Variants in GSS observed in about 807,000 individuals in gnomAD.
GSS encodes the protein GSH synthetase.
Under a neutral mutation model 60.4 loss-of-function variants are expected in GSS, and 34 were observed. The observed-to-expected ratio is 0.56, with a 90% CI of 0.43 to 0.75. The LOEUF (loss-of-function observed/expected upper bound fraction) is 0.75, where lower values mean the gene tolerates loss of function less well. GSS is among the 30% of genes least tolerant of loss of function. The probability of loss-of-function intolerance (pLI) is 0.00; values close to 1 mark genes in which losing one functional copy is unlikely to be tolerated. For synonymous variants in GSS, 224 were observed against 239.0 expected, an observed-to-expected ratio of 0.94 and a Z score of 0.58; for missense variants, 499 against 595.1, an observed-to-expected ratio of 0.84 and a Z score of 1.68.
intron 6 of GSS, 84 bp from the exon 7 acceptor site, chr20:34,937,107 C>G: frequency 1.1e-6 from 1 of 891,016 alleles, no homozygotes; most frequent in Non-Finnish European, 1.9e-6. Flanking sequence ...TACCGCCCCA[C>G]CTCCTGGAAT....
In GSS at chr20:34,941,747, T is replaced by C; in HGVS notation, c.574A>G (p.Ile192Val). The C allele has an allele frequency of 1.2e-6, 2 of 1,610,700 alleles. No individual in the cohort carries two copies. Among genetic ancestry groups the C allele is most frequent in the Non-Finnish European group, 1.7e-6 (2 of 1,178,040 alleles). ...CCGTAGAGCTCCCAGGCTTTGGCAA[T>C]TCCCAGGGCCAGTCCCTTGCTGGGA... is the stretch of plus-strand genomic sequence containing the variant. The part of the protein sequence containing the change: ...NNPSKGLALG[I>V]AKAWELYGSP... Residue 192 changes from isoleucine to valine, a missense_variant, in exon 6 of 13, where the codon ATT becomes GTT. Physicochemically the swap from Ile to Val is conservative, Grantham distance 29. Coordinates refer to ENST00000651619, the MANE Select transcript of GSS (RefSeq NM_000178.4).
At chr20:34,933,051 G>A (rs1198642006) in intron 9 of GSS, among the ~76,000 whole-genome samples, 6 of 152,018 alleles carry the variant, frequency 3.9e-5, no homozygotes, top group Admixed American at 6.6e-5. Context: ...TTGCCATGTT[G>A]CCCAGGCTGG....
intron 6 of GSS, among the ~76,000 whole-genome samples, chr20:34,937,975 A>C (rs913418753): frequency 6.6e-6 from 1 of 152,084 alleles, no homozygotes; most frequent in Non-Finnish European, 1.5e-5. Flanking sequence ...CTCCTGCTTC[A>C]GCCTCCCGGG....
Position 34,941,756 on chromosome 20 carries a change from C to G in GSS, c.565G>C (p.Ala189Pro). Residue 189 changes from alanine to proline, a missense_variant, in exon 6 of 13, where the codon GCC (alanine) becomes CCC (proline). Transcript: ENST00000651619. Reference protein sequence around the residue: ...ILSNNPSKGLALGIAKAWELY... With the variant: ...ILSNNPSKGLPLGIAKAWELY... ...TCCCAGGCTTTGGCAATTCCCAGGG[C>G]CAGTCCCTTGCTGGGATTATTAGAG... The G allele has an allele frequency of 6.2e-7, 1 of 1,611,532 alleles. No individual in the cohort carries two copies. Among genetic ancestry groups the G allele is most frequent in the Non-Finnish European group, 8.5e-7 (1 of 1,178,848 alleles).
intron 1 of GSS, among the ~76,000 whole-genome samples, chr20:34,953,467 A>G (rs545005307): frequency 6.6e-6 from 1 of 152,306 alleles, no homozygotes; most frequent in Admixed American, 6.5e-5. Context: ...TCAGACAGAC[A>G]GACAGACCTG....
chr20:34,936,970 C>T lies in GSS; in HGVS notation c.662G>A (p.Arg221His), dbSNP rs377234920. Reference protein sequence around the residue: ...QEKERNIFDQRAIENELLARN... With the variant: ...QEKERNIFDQHAIENELLARN... ...GGCCAGTAGCTCATTCTCTATGGCACGCTGGTCAAATATGTTTCTTTCCTT... is the reference window on the plus strand; with the variant it reads ...GGCCAGTAGCTCATTCTCTATGGCATGCTGGTCAAATATGTTTCTTTCCTT... Residue 221 changes from arginine (R) to histidine (H), a missense_variant, in exon 7 of 13, where the codon CGT becomes CAT. Transcript: ENST00000651619. The T allele has an allele frequency of 7.4e-6, 12 of 1,613,804 alleles. No homozygotes were observed. Among genetic ancestry groups the T allele is most frequent in the African/African-American group, 2.7e-5 (2 of 74,882 alleles).
At chr20:34,945,211 C>T (rs1259608633) in intron 3 of GSS, among the ~76,000 whole-genome samples, 3 of 151,450 alleles carry the variant, frequency 2.0e-5, no homozygotes, top group African/African-American at 7.3e-5. Flanking sequence ...TTAGTAGAGA[C>T]GGGGTTTCAC....
Position 34,946,094 on chromosome 20 carries a change from AC to A in GSS, c.133del (p.Val45Ter). ...GAAGAGCGTGAATGGGGCATAGCTC[AC>A]CACCTGTGATCAAGAAGAGAGAATG... Reference protein sequence around the residue: ...TSQEPTSSEVVSYAPFTLFPS... With the variant: ...TSQEPTSSEVXSYAPFTLFPS... On this transcript the variant is annotated frameshift_variant, in exon 3 of 13. Transcript: ENST00000651619. LOFTEE classifies it high-confidence loss of function. 1 of 1,608,784 alleles carries A rather than the reference AC, an allele frequency of 6.2e-7. No individual in the cohort carries two copies.
chr20:34,931,441 A>C (rs370382962), intron 10 of GSS, 24 bp from the exon 11 acceptor site: 32 of 1,603,564 alleles, frequency 2.0e-5, no homozygotes, highest in Non-Finnish European at 2.7e-5. Context: ...GAAAGCAGTT[A>C]TCAAAAGTTT....
intron 2 of GSS, among the ~76,000 whole-genome samples, chr20:34,948,508 G>A (rs569130205): frequency 2.8e-4 from 42 of 152,238 alleles, no homozygotes; most frequent in Middle Eastern, 6.8e-3. Context: ...ATTACTGGCC[G>A]GGCACGGTGG....
intron 5 of GSS, among the ~76,000 whole-genome samples, 190 bp from the exon 6 acceptor site, chr20:34,942,019 A>C (rs1409329837): frequency 6.6e-6 from 1 of 152,122 alleles, no homozygotes; most frequent in African/African-American, 2.4e-5. Flanking sequence ...CCCCTGGTGT[A>C]TATGCCTGGA....
intron 2 of GSS, chr20:34,950,290 C>T (rs1375493247): frequency 6.6e-6 from 1 of 152,116 alleles, no homozygotes; most frequent in Non-Finnish European, 1.5e-5. Flanking sequence ...AGGTGACAGA[C>T]ATTGTCATTT....
chr20:34,955,598 C>G (rs1201030905), intron 1 of GSS, 129 bp downstream of exon 1: 2 of 152,382 alleles, frequency 1.3e-5, no homozygotes, highest in African/African-American at 4.8e-5. Context: ...TTGCCCCGCT[C>G]CTACGAAGGG....
rs560508701 is a variant in GSS, at chr20:34,935,073, T to A, written c.834+503A>T. Among the ~76,000 whole-genome samples, 210 of 152,296 alleles carry A rather than the reference T, an allele frequency of 1.4e-3. 3 individuals carry two copies. Among genetic ancestry groups the A allele is most frequent in the African/African-American group, 5.0e-3 (206 of 41,566 alleles). On this transcript the variant is annotated intron_variant, in intron 9 of 12. Transcript: ENST00000651619. Reference sequence around the variant, plus strand: ...AACGTTAGTTTCTCCATCTGTATAATGGGGATAATTATATGCCTCACCGAG... The same window carrying A: ...AACGTTAGTTTCTCCATCTGTATAAAGGGGATAATTATATGCCTCACCGAG...
In GSS at chr20:34,946,113, A is replaced by G; in HGVS notation, c.130-15T>C. On this transcript the variant is annotated splice_polypyrimidine_tract_variant and intron_variant, in intron 2 of 12. Transcript: ENST00000651619. ...TAGCTCACCACCTGTGATCAAGAAG[A>G]GAGAATGGGACAGGGGTAGGGCACC... The G allele has an allele frequency of 6.2e-7, 1 of 1,604,696 alleles. No individual in the cohort carries two copies.
chr20:34,943,355 G>T (rs1346789323), intron 3 of GSS, among the ~76,000 whole-genome samples: 1 of 152,162 alleles, frequency 6.6e-6, no homozygotes, highest in Non-Finnish European at 1.5e-5. Context: ...CACCGAAGAA[G>T]AGCTAGAAAA....
intron 6 of GSS, among the ~76,000 whole-genome samples, chr20:34,939,700 C>T (rs1600384184): frequency 2.0e-5 from 3 of 147,832 alleles, no homozygotes; most frequent in African/African-American, 5.0e-5. Context: ...GATGGAGTCT[C>T]GCTCTGTCGC....
At chr20:34,929,013 C>G in intron 12 of GSS, 62 bp from the exon 13 acceptor site, 7 of 1,605,592 alleles carry the variant, frequency 4.4e-6, no homozygotes, top group Non-Finnish European at 6.0e-6. Flanking sequence ...CAGGACCTTC[C>G]CTGGACCCAG....
At chr20:34,947,049 T>C (rs2147132873) in intron 2 of GSS, among the ~76,000 whole-genome samples, 1 of 152,324 alleles carries the variant, frequency 6.6e-6, no homozygotes. Flanking sequence ...GGTATAAGTT[T>C]ACGGTGTTAG....
Sources: allele counts gnomAD v4.1 joint callset (sites outside exome capture counted in the v4.1 genomes callset), GRCh38; gene constraint gnomAD v4.1.1; transcripts MANE v1.5; gene names NCBI Gene and HGNC (gene_info 2026-07-23, HGNC 2026-07-21).